NEMF: variants seen among roughly 807,000 people sequenced by gnomAD.
NEMF encodes the protein nuclear export mediator factor.
Under a neutral mutation model 162.2 loss-of-function variants are expected in NEMF, and 89 were observed. That is an observed-to-expected ratio of 0.55 (90% confidence interval 0.46 to 0.65). The LOEUF is 0.65. Among genes scored for constraint, NEMF ranks in the 30% least tolerant of loss-of-function variants. The pLI is 0.00. For missense variants in NEMF, 1,133 were observed against 1,261.9 expected (o/e 0.90, Z 1.55); for synonymous variants, 421 against 404.5 (o/e 1.04, Z -0.49).
intron 18 of NEMF, among the ~76,000 whole-genome samples, chr14:49,809,404 A>T (rs1318197436): frequency 6.6e-6 from 1 of 152,220 alleles, no homozygotes; most frequent in Non-Finnish European, 1.5e-5. Flanking sequence ...TAAGTGAAGA[A>T]GCCAGCCTTT....
chr14:49,846,075 A>G (rs1009378571), intron 4 of NEMF, 65 bp downstream of exon 4: 35 of 1,422,072 alleles, frequency 2.5e-5, no homozygotes, highest in Non-Finnish European at 3.2e-5. Flanking sequence ...CTCATGTTAT[A>G]TAGCACTATT....
intron 5 of NEMF, among the ~76,000 whole-genome samples, chr14:49,838,975 C>G (rs762479085): frequency 1.3e-5 from 2 of 152,084 alleles, no homozygotes; most frequent in Non-Finnish European, 2.9e-5. Flanking sequence ...ATGCAAATTC[C>G]TGGGTCCTAG....
chr14:49,828,998 A>T (rs1892506606), intron 13 of NEMF, 56 bp downstream of exon 13: 1 of 1,520,780 alleles, frequency 6.6e-7, no homozygotes, highest in Non-Finnish European at 9.0e-7. Flanking sequence ...ACAGTGAACA[A>T]TTAAAATAAC....
At chr14:49,804,641 G>A (rs1464246918) in intron 19 of NEMF, among the ~76,000 whole-genome samples, 2 of 148,952 alleles carry the variant, frequency 1.3e-5, no homozygotes, top group Non-Finnish European at 3.0e-5. Context: ...ATTCTAGCCT[G>A]GGTGACAGAG....
At chr14:49,790,658 A>G (rs1360894751) in intron 26 of NEMF, among the ~76,000 whole-genome samples, 3 of 152,190 alleles carry the variant, frequency 2.0e-5, no homozygotes, top group Non-Finnish European at 2.9e-5. Flanking sequence ...AATTCCACTC[A>G]TATGTATATG....
chr14:49,836,981 T>C (rs926602598), intron 6 of NEMF, among the ~76,000 whole-genome samples: 3 of 152,114 alleles, frequency 2.0e-5, no homozygotes, highest in Non-Finnish European at 4.4e-5. Context: ...GCTCAAAAAG[T>C]TTCAGACTTC....
intron 5 of NEMF, chr14:49,839,509 C>G (rs963269894): frequency 6.6e-6 from 1 of 152,254 alleles, no homozygotes; most frequent in Non-Finnish European, 1.5e-5. Flanking sequence ...GGCCTTCCAG[C>G]TAGCTGGAAT....
intron 19 of NEMF, among the ~76,000 whole-genome samples, chr14:49,805,722 C>G (rs996033224): frequency 4.6e-5 from 7 of 152,112 alleles, no homozygotes; most frequent in African/African-American, 1.7e-4. Context: ...ACTCTTTATC[C>G]TGTATAATTG....
chr14:49,842,029 T>TG (rs1381596844), intron 4 of NEMF, among the ~76,000 whole-genome samples: 1 of 151,642 alleles, frequency 6.6e-6, no homozygotes, highest in Admixed American at 6.6e-5. Context: ...GGCTTGAACC[T>TG]GGGAGGCGGA....
At chr14:49,844,731 G>GCACACACACACA (rs1393382473) in intron 4 of NEMF, 4 of 70,630 alleles carry the variant, frequency 5.7e-5, no homozygotes, top group African/African-American at 3.0e-4. Flanking sequence ...GCACGCGCAC[G>GCACACACACACA]CGCGCGCACA....
chr14:49,782,164 C>T lies in NEMF; in HGVS notation c.*2472G>A. ...CTCCTCATTGCATAAATGAGAACGA[C>T]CAGAGAGAGAAAATAATATCCAGAT... On this transcript the variant is annotated 3_prime_UTR_variant, in exon 33 of 33. Coordinates refer to ENST00000298310, the MANE Select transcript of NEMF (RefSeq NM_004713.6). The T allele has an allele frequency of 1.9e-6, 1 of 524,118 alleles. No homozygotes were observed. The highest frequency in any genetic ancestry group is 3.4e-6 in the Non-Finnish European group (1 of 296,686). 32.5% of individuals were successfully genotyped at this position (524,118 alleles called of 1,614,324 possible).
intron 25 of NEMF, among the ~76,000 whole-genome samples, chr14:49,797,167 T>C (rs1204031023): frequency 6.6e-6 from 1 of 152,196 alleles, no homozygotes; most frequent in Non-Finnish European, 1.5e-5. Flanking sequence ...TTCTCTGTAA[T>C]TGTTCAATGA....
At chr14:49,832,373 C>T in intron 8 of NEMF, 96 bp from the exon 9 acceptor site, 3 of 827,570 alleles carry the variant, frequency 3.6e-6, no homozygotes, top group Non-Finnish European at 5.7e-6. Flanking sequence ...GCTCCATCAC[C>T]CAGGCTGGAG....
Position 49,785,087 on chromosome 14 carries a change from AATACCTTTTCCCT to A in NEMF, c.3065_3073+4del, listed in dbSNP as rs1478587023. The stretch of plus-strand genomic sequence containing the variant: ...ATCATAATTCAAAAAAACAAATTTA[AATACCTTTTCCCT>A]TTTTCTGCACTCCAGGAGTAAGTTT... On this transcript the variant is annotated splice_donor_variant and splice_donor_region_variant and coding_sequence_variant and intron_variant, in exon 31 of 33. Transcript: ENST00000298310. LOFTEE classifies it high-confidence loss of function. 6.2e-7 allele frequency: 1 copy of A among 1,606,966 alleles called. No homozygotes were observed. The highest frequency in any genetic ancestry group is 1.7e-5 in the Admixed American group (1 of 59,900).
intron 4 of NEMF, among the ~76,000 whole-genome samples, chr14:49,845,075 AAGTTAGTT>A (rs34544224): frequency 1.0e-3 from 154 of 149,288 alleles, no homozygotes; most frequent in African/African-American, 2.4e-3. Context: ...GGCCCAGATT[AAGTTAGTT>A]AGTTAGTTAG....
At chr14:49,794,077 A>G (rs1890576836) in intron 26 of NEMF, among the ~76,000 whole-genome samples, 1 of 152,170 alleles carries the variant, frequency 6.6e-6, no homozygotes, top group Non-Finnish European at 1.5e-5. Context: ...CTAAAATGCT[A>G]AATATCAGGT....
rs1382485873 is a variant in NEMF, at chr14:49,799,477, T to C, written c.2463A>G (p.Arg821=). The change falls in exon 25 of 33, where the codon AGA becomes AGG. Residue 821 remains arginine, a splice_region_variant and synonymous_variant. Transcript: ENST00000298310. ...QSRRHLSAKE[R]REMKKKKLPS... ...TTAATTAACACAGATGTGTTTACCT[T>C]CTTTCCTTGGCTGACAAATGTCTCC... 4.4e-6 allele frequency: 7 copies of C among 1,608,076 alleles called. No homozygotes were observed. The highest frequency in any genetic ancestry group is 1.7e-4 in the Middle Eastern group (1 of 6,012).
chr14:49,792,852 ATGCC>A (rs1890518311), intron 26 of NEMF, among the ~76,000 whole-genome samples: 1 of 152,130 alleles, frequency 6.6e-6, no homozygotes, highest in South Asian at 2.1e-4. Flanking sequence ...ATGGTGGCAC[ATGCC>A]TGTGATCCCA....
chr14:49,826,059 A>AC, intron 15 of NEMF, 104 bp from the exon 16 acceptor site: 3 of 631,284 alleles, frequency 4.8e-6, no homozygotes, highest in South Asian at 4.0e-5. Flanking sequence ...ACAAAATGGC[A>AC]CAATCTACAC....
Sources: gnomAD v4.1 joint callset for allele counts (sites outside exome capture counted in the v4.1 genomes callset) on GRCh38, gnomAD v4.1.1 for gene constraint, MANE v1.5 for transcripts, NCBI Gene and HGNC (gene_info 2026-07-23, HGNC 2026-07-21) for gene names.